Variants in BEND7 observed in about 807,000 individuals in gnomAD.
BEND7 encodes the protein BEN domain containing 7.
A neutral mutation model predicts 50.9 loss-of-function variants in BEND7; 28 were observed. The ratio of observed to expected loss-of-function variants is 0.55; its 90% CI spans 0.41 to 0.75. The LOEUF (loss-of-function observed/expected upper bound fraction) is 0.75, where lower values mean the gene tolerates loss of function less well. Ranked by LOEUF, BEND7 falls within the 30% of genes least tolerant of loss-of-function variation. The pLI is 0.00. For synonymous variants in BEND7, 170 were observed against 183.9 expected, an observed-to-expected ratio of 0.92 and a Z score of 0.61; for missense variants, 477 against 491.3, an observed-to-expected ratio of 0.97 and a Z score of 0.28.
intron 2 of BEND7, among the ~76,000 whole-genome samples, chr10:13,506,604 A>G (rs2077912162): frequency 6.6e-6 from 1 of 152,172 alleles, no homozygotes; most frequent in South Asian, 2.1e-4. Flanking sequence ...TCATATAAGG[A>G]TAGTAAATAA....
intron 6 of BEND7, among the ~76,000 whole-genome samples, chr10:13,456,717 C>T (rs1011957879): frequency 2.0e-5 from 3 of 152,250 alleles, no homozygotes; most frequent in Admixed American, 1.3e-4. Flanking sequence ...TTTTGTCTCC[C>T]TCAAAGCACC....
rs7901967 is a variant in BEND7 at position 13,472,008 on chromosome 10, G to A, written c.1063+8891C>T. 1.7e-3 allele frequency among the ~76,000 whole-genome samples: 260 copies of A among 149,406 alleles called. 1 individual carries two copies. The highest frequency in any genetic ancestry group is 3.0e-3 in the Non-Finnish European group (201 of 67,522). On this transcript the variant is annotated intron_variant, in intron 6 of 8. Coordinates refer to ENST00000466271, the MANE Select transcript of BEND7 (RefSeq NM_001369863.1). ...ACTGTTAGACTCGGGGTCGATACCC[G>A]TCACCACTGTTAGACTCGGGGTCGA...
rs1441087972 is a variant in BEND7, at chr10:13,492,707, G to A, written c.741C>T (p.Ala247=). 6.2e-7 allele frequency: 1 copy of A among 1,614,178 alleles called. No homozygotes were observed. The highest frequency in any genetic ancestry group is 1.7e-5 in the Admixed American group (1 of 60,028). Residue 247 remains alanine (A), a synonymous_variant, in exon 5 of 9, where the codon GCC becomes GCT. Transcript: ENST00000466271. The part of the protein sequence containing the change: ...GSEMEKKSVV[A]SELSALQAAE... ...CTGCCTGGAGAGCAGATAGCTCAGA[G>A]GCCACCACCGACTTTTTCTCCATCT...
chr10:13,440,302 A>G (rs1396114365), downstream of BEND7, among the ~76,000 whole-genome samples: 2 of 152,210 alleles, frequency 1.3e-5, no homozygotes, highest in African/African-American at 4.8e-5. Context: ...GGACCCCAGG[A>G]AGCTGGGGGC....
chr10:13,441,054 G>C (rs1036112234), downstream of BEND7: 3 of 968,746 alleles, frequency 3.1e-6, no homozygotes, highest in Non-Finnish European at 3.7e-6. Flanking sequence ...ATAAACACAG[G>C]AAGACCGGCA....
intron 6 of BEND7, among the ~76,000 whole-genome samples, chr10:13,465,706 T>G (rs1200222346): frequency 6.7e-6 from 1 of 149,832 alleles, no homozygotes; most frequent in Non-Finnish European, 1.5e-5. Context: ...CAAGCCACAC[T>G]TTTTTTTTTC....
At chr10:13,482,889 A>G (rs997273225) in intron 5 of BEND7, among the ~76,000 whole-genome samples, 1 of 152,220 alleles carries the variant, frequency 6.6e-6, no homozygotes, top group Admixed American at 6.5e-5. Context: ...GAATGATTCA[A>G]TGTAGACACT....
intron 2 of BEND7, among the ~76,000 whole-genome samples, chr10:13,502,514 A>G (rs2077546934): frequency 6.6e-6 from 1 of 152,242 alleles, no homozygotes; most frequent in African/African-American, 2.4e-5. Context: ...AGATTTCAAT[A>G]ACGCAGAGTC....
intron 6 of BEND7, among the ~76,000 whole-genome samples, chr10:13,478,022 G>A (rs2075582809): frequency 6.6e-6 from 1 of 152,172 alleles, no homozygotes; most frequent in Admixed American, 6.5e-5. Context: ...CAGGGGCACC[G>A]CAGGAAAGAA....
At chr10:13,486,279 T>C (rs2076217315) in intron 5 of BEND7, among the ~76,000 whole-genome samples, 1 of 152,236 alleles carries the variant, frequency 6.6e-6, no homozygotes, top group South Asian at 2.1e-4. Flanking sequence ...TCCTCCTGCC[T>C]TGGCCTCCCA....
chr10:13,480,011 G>T (rs1283802146), intron 6 of BEND7, among the ~76,000 whole-genome samples: 1 of 152,190 alleles, frequency 6.6e-6, no homozygotes, highest in Non-Finnish European at 1.5e-5. Context: ...AACAATGCAG[G>T]AACTGAGCTA....
At chr10:13,463,987 G>C (rs1398205997) in intron 6 of BEND7, among the ~76,000 whole-genome samples, 1 of 152,256 alleles carries the variant, frequency 6.6e-6, no homozygotes, top group Non-Finnish European at 1.5e-5. Context: ...CCTCACTTGA[G>C]AACCATCAGA....
intron 6 of BEND7, chr10:13,459,477 T>TC (rs1839767170): frequency 6.6e-6 from 1 of 152,244 alleles, no homozygotes. Flanking sequence ...AGGCTTGATA[T>TC]CCATCTATTG....
intron 6 of BEND7, among the ~76,000 whole-genome samples, chr10:13,457,864 G>C (rs1839329494): frequency 6.6e-6 from 1 of 152,172 alleles, no homozygotes; most frequent in Non-Finnish European, 1.5e-5. Flanking sequence ...TTAATAGTGG[G>C]TCATTAAGAA....
intron 2 of BEND7, among the ~76,000 whole-genome samples, chr10:13,501,122 C>T (rs1588974617): frequency 6.6e-6 from 1 of 152,122 alleles, no homozygotes; most frequent in Non-Finnish European, 1.5e-5. Context: ...CGCCTGTAAT[C>T]CCAGCACTTT....
chr10:13,439,346 GGTA>G, downstream of BEND7: 1 of 1,614,128 alleles, frequency 6.2e-7, no homozygotes. Flanking sequence ...CTCTGTCTCT[GGTA>G]AGGTTGTTCA....
upstream of BEND7, among the ~76,000 whole-genome samples, chr10:13,529,205 G>T (rs1003950101): frequency 3.4e-5 from 5 of 146,108 alleles, no homozygotes; most frequent in Non-Finnish European, 3.0e-5. Context: ...GCCCTGGCCC[G>T]GGCCCGGCCG....
chr10:13,477,622 G>T (rs1408408293), intron 6 of BEND7, among the ~76,000 whole-genome samples: 1 of 152,200 alleles, frequency 6.6e-6, no homozygotes, highest in African/African-American at 2.4e-5. Context: ...AATGTATTAG[G>T]AAGTTAAGAG....
chr10:13,441,382 T>C lies in BEND7; in HGVS notation c.*361A>G. 9.2e-7 allele frequency: 1 copy of C among 1,083,164 alleles called. No homozygotes were observed. The highest frequency in any genetic ancestry group is 1.1e-6 in the Non-Finnish European group (1 of 894,296). 67.1% of individuals were successfully genotyped at this position (1,083,164 alleles called of 1,614,324 possible). A position where few individuals can be genotyped will look rare whatever the true frequency, so the allele number is the denominator to read the frequency against. On this transcript the variant is annotated 3_prime_UTR_variant, in exon 9 of 9. Coordinates refer to ENST00000466271, the MANE Select transcript of BEND7 (RefSeq NM_001369863.1). ...ACAGTAAGTAAACACAATTTTAATTTACAAAATATGATTTTGCTGTTGCAG... is the reference window on the plus strand; with the variant it reads ...ACAGTAAGTAAACACAATTTTAATTCACAAAATATGATTTTGCTGTTGCAG...
Sources: gnomAD v4.1 joint callset for allele counts (sites outside exome capture counted in the v4.1 genomes callset) on GRCh38, gnomAD v4.1.1 for gene constraint, MANE v1.5 for transcripts, NCBI Gene and HGNC (gene_info 2026-07-23, HGNC 2026-07-21) for gene names.